The following CTNNA3 variants were observed in gnomAD, a reference collection of about 807,000 sequenced individuals.
CTNNA3 encodes the protein catenin alpha 3, also known as catenin alpha-3.
In CTNNA3, 76 loss-of-function variants were observed where a neutral mutation model predicts 95.7. The ratio of observed to expected loss-of-function variants is 0.79; its 90% CI spans 0.66 to 0.96. The LOEUF is 0.96. Among genes scored for constraint, CTNNA3 ranks in the 40% least tolerant of loss-of-function variants. CTNNA3 has a pLI of 0.00. For synonymous variants in CTNNA3, 431 were observed against 374.4 expected, an observed-to-expected ratio of 1.15 and a Z score of -1.74; for missense variants, 1,191 against 1,089.8, an observed-to-expected ratio of 1.09 and a Z score of -1.31.
chr10:67,304,157 T>C (rs1840443970), intron 5 of CTNNA3, among the ~76,000 whole-genome samples: 1 of 152,140 alleles, frequency 6.6e-6, no homozygotes, highest in South Asian at 2.1e-4. Flanking sequence ...GCATCCCCAT[T>C]ATTGACTTTT....
At chr10:67,762,383 CA>C (rs528181955) in intron 1 of CTNNA3, among the ~76,000 whole-genome samples, 2,247 of 136,874 alleles carry the variant, frequency 0.016, 34 homozygotes, top group South Asian at 0.052. Flanking sequence ...CTCCCCCCCC[CA>C]AAAAAAAAAA....
chr10:66,468,376 G>A (rs1355874487), intron 11 of CTNNA3, among the ~76,000 whole-genome samples: 1 of 151,962 alleles, frequency 6.6e-6, no homozygotes, highest in South Asian at 2.1e-4. Flanking sequence ...AAAGGACAGA[G>A]TATTTCCTGA....
rs1376938325 is a variant in CTNNA3, at chr10:67,057,248, ATATC to A, written c.1047+123065_1047+123068del. 8.1e-4 allele frequency among the ~76,000 whole-genome samples: 123 copies of A among 152,282 alleles called. 1 individual carries two copies. The highest frequency in any genetic ancestry group is 7.6e-3 in the Admixed American group (116 of 15,278). On this transcript the variant is annotated intron_variant, in intron 7 of 17. Coordinates refer to ENST00000433211, the MANE Select transcript of CTNNA3 (RefSeq NM_013266.4). ...GAAATGATTGCCACAATCAATTAAT[ATATC>A]TATTATGTCACATACTGTGTGTGTG...
intron 16 of CTNNA3, among the ~76,000 whole-genome samples, chr10:65,980,448 T>C (rs986497791): frequency 6.6e-6 from 1 of 150,452 alleles, no homozygotes; most frequent in South Asian, 2.1e-4. Context: ...TTCCACAGGA[T>C]AGAGAAAGAG....
At chr10:66,410,054 A>G (rs1283092997) in intron 11 of CTNNA3, among the ~76,000 whole-genome samples, 2 of 152,252 alleles carry the variant, frequency 1.3e-5, no homozygotes, top group Admixed American at 1.3e-4. Flanking sequence ...AAAGCAAGCA[A>G]TAAACATCCA....
chr10:67,358,643 C>A (rs1842897817), intron 5 of CTNNA3, among the ~76,000 whole-genome samples: 1 of 152,062 alleles, frequency 6.6e-6, no homozygotes, highest in African/African-American at 2.4e-5. Context: ...CTACACTTGA[C>A]CTACTACATC....
rs574330655 is a variant in CTNNA3 at position 67,387,970 on chromosome 10, C to A, written c.579+133872G>T. ...CCACAAAGATGGGGAAAAAACAGAA[C>A]AGAAAAACTGGAAACTCTAAAAAGC... On this transcript the variant is annotated intron_variant, in intron 5 of 17. Transcript: ENST00000433211. Among the ~76,000 whole-genome samples, 693 of 152,152 alleles carry A rather than the reference C, an allele frequency of 4.6e-3. 5 individuals carry two copies. The highest frequency in any genetic ancestry group is 0.016 in the African/African-American group (662 of 41,494).
chr10:67,692,047 C>A (rs1391137566), intron 1 of CTNNA3, among the ~76,000 whole-genome samples: 1 of 136,142 alleles, frequency 7.3e-6, no homozygotes, highest in African/African-American at 2.8e-5. Context: ...CCCGGCCAGC[C>A]GCCCCGTCCG....
chr10:66,981,372 G>C (rs1396916482), intron 7 of CTNNA3, among the ~76,000 whole-genome samples: 2 of 152,086 alleles, frequency 1.3e-5, no homozygotes, highest in African/African-American at 4.8e-5. Context: ...GCTCACTCAG[G>C]CATAAGTCAC....
At chr10:66,573,379 C>T (rs956415839) in intron 10 of CTNNA3, among the ~76,000 whole-genome samples, 1 of 152,108 alleles carries the variant, frequency 6.6e-6, no homozygotes, top group Admixed American at 6.6e-5. Flanking sequence ...TTGCTCGCAG[C>T]CCATAGCTTC....
chr10:67,032,272 T>A (rs569885699), intron 7 of CTNNA3, among the ~76,000 whole-genome samples: 23 of 152,298 alleles, frequency 1.5e-4, no homozygotes, highest in Admixed American at 1.4e-3. Flanking sequence ...ATTGCTTTTT[T>A]TTTGTTTGTT....
intron 13 of CTNNA3, among the ~76,000 whole-genome samples, chr10:66,189,508 T>G (rs1475708447): frequency 6.6e-6 from 1 of 151,436 alleles, no homozygotes; most frequent in Non-Finnish European, 1.5e-5. Context: ...TGGCTACATA[T>G]GCTTAGTTTT....
intron 5 of CTNNA3, among the ~76,000 whole-genome samples, chr10:67,448,287 T>G (rs1268005538): frequency 6.6e-6 from 1 of 152,184 alleles, no homozygotes; most frequent in Non-Finnish European, 1.5e-5. Context: ...ATTAAAGAAA[T>G]TCTGTCCAAT....
At chr10:67,450,212 T>C (rs1846919295) in intron 5 of CTNNA3, among the ~76,000 whole-genome samples, 1 of 152,142 alleles carries the variant, frequency 6.6e-6, no homozygotes, top group Non-Finnish European at 1.5e-5. Flanking sequence ...TGTAAGTTAG[T>C]TCAACCATTG....
At chr10:67,342,898 G>T (rs575533381) in intron 5 of CTNNA3, among the ~76,000 whole-genome samples, 3 of 151,890 alleles carry the variant, frequency 2.0e-5, no homozygotes, top group African/African-American at 7.2e-5. Flanking sequence ...GTTTTGTTTT[G>T]TTTTTTTCTT....
intron 7 of CTNNA3, among the ~76,000 whole-genome samples, chr10:67,035,457 T>C (rs1437543533): frequency 3.3e-5 from 5 of 151,312 alleles, no homozygotes; most frequent in Non-Finnish European, 7.4e-5. Flanking sequence ...GATGTTGGTA[T>C]TTTTTTTTAA....
At chr10:66,244,630 CAAGACA>C (rs1233225760) in intron 13 of CTNNA3, among the ~76,000 whole-genome samples, 1 of 152,090 alleles carries the variant, frequency 6.6e-6, no homozygotes. Context: ...GGATCTTATC[CAAGACA>C]ACAAAGGCGG....
At chr10:66,697,387 C>T (rs1418006165) in intron 9 of CTNNA3, among the ~76,000 whole-genome samples, 3 of 150,410 alleles carry the variant, frequency 2.0e-5, no homozygotes, top group East Asian at 2.0e-4. Flanking sequence ...GGTATACACA[C>T]GCACACATAC....
chr10:66,022,400 G>A (rs1342509915), intron 15 of CTNNA3, among the ~76,000 whole-genome samples: 2 of 152,114 alleles, frequency 1.3e-5, no homozygotes, highest in African/African-American at 4.8e-5. Flanking sequence ...TTGCTTTGAT[G>A]AAAGGCAATT....
Sources: gnomAD v4.1 joint callset for allele counts (sites outside exome capture counted in the v4.1 genomes callset) on GRCh38, gnomAD v4.1.1 for gene constraint, MANE v1.5 for transcripts, NCBI Gene and HGNC (gene_info 2026-07-23, HGNC 2026-07-21) for gene names.